PRDM5: variants seen among roughly 807,000 people sequenced by gnomAD.
PRDM5 encodes the protein PR/SET domain 5.
Under a neutral mutation model 81.2 loss-of-function variants are expected in PRDM5, and 56 were observed. The observed-to-expected ratio is 0.69, with a 90% CI of 0.56 to 0.86. The LOEUF is 0.86. PRDM5 is among the 40% of genes least tolerant of loss of function. The pLI is 0.00. For missense variants in PRDM5, 697 were observed against 770.1 expected, an observed-to-expected ratio of 0.91 and a Z score of 1.12; for synonymous variants, 267 against 256.4, an observed-to-expected ratio of 1.04 and a Z score of -0.39.
chr4:120,703,827 C>T lies in PRDM5; in HGVS notation c.1728+6482G>A, dbSNP rs116242497. Reference sequence around the variant, plus strand: ...ACAGTCTGGGTTCAGAGTCTATCCTCCCTCCCAAGGGCCAACTATTACTAA... The same window carrying T: ...ACAGTCTGGGTTCAGAGTCTATCCTTCCTCCCAAGGGCCAACTATTACTAA... On this transcript the variant is annotated intron_variant, in intron 15 of 15. Coordinates refer to ENST00000264808, the MANE Select transcript of PRDM5 (RefSeq NM_018699.4). Among the ~76,000 whole-genome samples the T allele has an allele frequency of 2.8e-3, 422 of 152,196 alleles. 1 individual carries two copies. The highest frequency in any genetic ancestry group is 9.2e-3 in the African/African-American group (380 of 41,516).
chr4:120,742,449 G>A (rs566649547), intron 14 of PRDM5, among the ~76,000 whole-genome samples: 2,857 of 152,328 alleles, frequency 0.019, 41 homozygotes, highest in Non-Finnish European at 0.031. Context: ...GACGAGTTGA[G>A]AGAAGAAGGC....
At chr4:120,835,369 CAT>C (rs1391704014) in intron 3 of PRDM5, among the ~76,000 whole-genome samples, 2 of 152,166 alleles carry the variant, frequency 1.3e-5, no homozygotes, top group Non-Finnish European at 2.9e-5. Context: ...TGTGCATGCA[CAT>C]GTGTGCCTAT....
At chr4:120,753,736 C>T (rs1440447208) in intron 14 of PRDM5, among the ~76,000 whole-genome samples, 1 of 151,610 alleles carries the variant, frequency 6.6e-6, no homozygotes. Flanking sequence ...ACATACAGAC[C>T]ATACGCACTT....
At chr4:120,839,410 C>G in intron 3 of PRDM5, 1 of 649,990 alleles carries the variant, frequency 1.5e-6, no homozygotes, top group Non-Finnish European at 2.8e-6. Context: ...AATGAGCATT[C>G]AGGCTGCTAG....
Position 120,744,705 on chromosome 4 carries a change from C to T in PRDM5, c.1623+9848G>A, listed in dbSNP as rs887546824. On this transcript the variant is annotated intron_variant, in intron 14 of 15. Coordinates refer to ENST00000264808, the MANE Select transcript of PRDM5 (RefSeq NM_018699.4). ...GAAGAAATGGATAAATTCCTTGACACATACACTCTCCCAAGACTAAACCAG... is the reference window on the plus strand; with the variant it reads ...GAAGAAATGGATAAATTCCTTGACATATACACTCTCCCAAGACTAAACCAG... Among the ~76,000 whole-genome samples the T allele has an allele frequency of 1.6e-4, 24 of 151,446 alleles. 1 individual carries two copies. The highest frequency in any genetic ancestry group is 1.5e-3 in the Admixed American group (23 of 15,212).
intron 13 of PRDM5, among the ~76,000 whole-genome samples, chr4:120,767,428 G>T (rs1159817346): frequency 2.6e-5 from 4 of 152,238 alleles, no homozygotes; most frequent in Non-Finnish European, 1.5e-5. Context: ...AAAACTGAGT[G>T]TTATTTGATA....
At chr4:120,917,679 TAAA>T (rs59237440) in intron 1 of PRDM5, among the ~76,000 whole-genome samples, 1,523 of 142,734 alleles carry the variant, frequency 0.011, 34 homozygotes, top group Admixed American at 0.051. Flanking sequence ...AGTCAGACAT[TAAA>T]AAAAAAAAAA....
chr4:120,685,102 T>C (rs1733784365), intron 1 of PRDM5: 1 of 152,080 alleles, frequency 6.6e-6, no homozygotes, highest in Non-Finnish European at 1.5e-5. Context: ...AATTACATTA[T>C]TTTAATAGCC....
intron 11 of PRDM5, among the ~76,000 whole-genome samples, chr4:120,781,631 G>C (rs1286760195): frequency 6.6e-6 from 1 of 152,172 alleles, no homozygotes; most frequent in Non-Finnish European, 1.5e-5. Context: ...AGACTCCAGT[G>C]ACACAAGACC....
intron 14 of PRDM5, among the ~76,000 whole-genome samples, chr4:120,718,025 G>C (rs1246812964): frequency 6.6e-6 from 1 of 152,164 alleles, no homozygotes; most frequent in Admixed American, 6.5e-5. Context: ...GCATGGCGAG[G>C]ACTGTCAGAG....
chr4:120,879,028 G>A (rs766415224), intron 2 of PRDM5, among the ~76,000 whole-genome samples: 106 of 152,072 alleles, frequency 7.0e-4, no homozygotes, highest in Non-Finnish European at 1.1e-3. Context: ...CAGCAATCAC[G>A]CAATTTGGCA....
chr4:120,867,147 T>A (rs973863933), intron 2 of PRDM5, among the ~76,000 whole-genome samples: 4 of 152,048 alleles, frequency 2.6e-5, no homozygotes, highest in African/African-American at 4.8e-5. Flanking sequence ...TGGAAGCAAA[T>A]TGATCCTCAA....
intron 9 of PRDM5, 35 bp downstream of exon 9, chr4:120,799,626 G>A (rs1511310): frequency 6.2e-7 from 1 of 1,604,048 alleles, no homozygotes. Context: ...TTTTTGTAAT[G>A]ATATCACTAT....
chr4:120,906,188 C>A (rs2148675043), intron 2 of PRDM5, among the ~76,000 whole-genome samples: 1 of 152,162 alleles, frequency 6.6e-6, no homozygotes, highest in East Asian at 1.9e-4. Context: ...TCTGGCTGGG[C>A]TCCAACTCCT....
intron 1 of PRDM5, among the ~76,000 whole-genome samples, 195 bp from the exon 2 acceptor site, chr4:120,907,752 G>A (rs146032299): frequency 5.6e-4 from 85 of 152,242 alleles, no homozygotes; most frequent in African/African-American, 2.0e-3. Flanking sequence ...AGCCTAAAAC[G>A]CTAAATCCAC....
At chr4:120,686,129 T>C (rs537628259) in intron 1 of PRDM5, among the ~76,000 whole-genome samples, 2 of 152,186 alleles carry the variant, frequency 1.3e-5, no homozygotes, top group Admixed American at 1.3e-4. Context: ...AAAAGGTCCC[T>C]GAGGCCTCCC....
At chr4:120,875,355 C>T (rs1200895830) in intron 2 of PRDM5, among the ~76,000 whole-genome samples, 1 of 152,226 alleles carries the variant, frequency 6.6e-6, no homozygotes, top group African/African-American at 2.4e-5. Context: ...GACTCTGAGA[C>T]TGCCAAGGAG....
At chr4:120,774,513 G>T (rs1025822330) in intron 13 of PRDM5, among the ~76,000 whole-genome samples, 4 of 152,358 alleles carry the variant, frequency 2.6e-5, no homozygotes, top group African/African-American at 7.2e-5. Flanking sequence ...CCAGGCTGTA[G>T]CCTGGGAGGG....
chr4:120,873,751 TTTCCCCACTAGGGGCTTC>T (rs1283580915), intron 2 of PRDM5, among the ~76,000 whole-genome samples: 1 of 152,256 alleles, frequency 6.6e-6, no homozygotes, highest in African/African-American at 2.4e-5. Flanking sequence ...AAATCTACTT[TTTCCCCACTAGGGGCTTC>T]ATTTGCCTTT....
Sources: allele counts gnomAD v4.1 joint callset (sites outside exome capture counted in the v4.1 genomes callset), GRCh38; gene constraint gnomAD v4.1.1; transcripts MANE v1.5; gene names NCBI Gene and HGNC (gene_info 2026-07-23, HGNC 2026-07-21).